The following CPPED1 variants were observed in gnomAD, a reference collection of about 807,000 sequenced individuals.
The protein encoded by CPPED1 is calcineurin like phosphoesterase domain containing 1.
CPPED1 carries 28 observed loss-of-function variants against 28.0 expected under a neutral mutation model. The observed-to-expected ratio is 1.00, with a 90% CI of 0.74 to 1.37. CPPED1 has a LOEUF of 1.37. CPPED1 is among the 40% of genes most tolerant of loss of function. The probability of loss-of-function intolerance (pLI) is 0.00; values close to 1 mark genes in which losing one functional copy is unlikely to be tolerated. For synonymous variants in CPPED1, 198 were observed against 180.2 expected (o/e 1.10, Z -0.79); for missense variants, 504 against 416.5 (o/e 1.21, Z -1.83).
intron 2 of CPPED1, among the ~76,000 whole-genome samples, chr16:12,775,605 A>T (rs1160873187): frequency 6.6e-6 from 1 of 152,182 alleles, no homozygotes; most frequent in African/African-American, 2.4e-5. Flanking sequence ...TTCATCTGGG[A>T]ATCTTGTTAA....
intron 1 of CPPED1, among the ~76,000 whole-genome samples, chr16:12,790,155 T>C (rs947213410): frequency 6.6e-6 from 1 of 152,222 alleles, no homozygotes; most frequent in Admixed American, 6.5e-5. Context: ...CATTAATCTT[T>C]CCTATGAGCC....
At chr16:12,711,661 G>C (rs1186221506) in intron 2 of CPPED1, among the ~76,000 whole-genome samples, 1 of 152,098 alleles carries the variant, frequency 6.6e-6, no homozygotes, top group Non-Finnish European at 1.5e-5. Context: ...TCTAATAGGA[G>C]CCCCCATGAT....
At chr16:12,738,174 G>C (rs536582982) in intron 2 of CPPED1, among the ~76,000 whole-genome samples, 1 of 152,250 alleles carries the variant, frequency 6.6e-6, no homozygotes, top group East Asian at 1.9e-4. Flanking sequence ...CTTAATGAAA[G>C]GACATTACGC....
chr16:12,708,128 C>T (rs1189480523), intron 2 of CPPED1, among the ~76,000 whole-genome samples: 1 of 152,016 alleles, frequency 6.6e-6, no homozygotes, highest in East Asian at 1.9e-4. Flanking sequence ...GCCTGGGCAA[C>T]AGAGTGAGAT....
intron 1 of CPPED1, among the ~76,000 whole-genome samples, chr16:12,803,179 T>C (rs1006224927): frequency 6.6e-6 from 1 of 152,252 alleles, no homozygotes; most frequent in African/African-American, 2.4e-5. Context: ...GACTCTCGAA[T>C]GCCCTCCCTC....
chr16:12,721,399 C>T (rs1244098126), intron 2 of CPPED1, among the ~76,000 whole-genome samples: 1 of 152,164 alleles, frequency 6.6e-6, no homozygotes, highest in Admixed American at 6.6e-5. Flanking sequence ...TGTTGACCTT[C>T]CCATTCAACC....
chr16:12,664,415 G>A lies in CPPED1; in HGVS notation c.*471C>T, dbSNP rs1190340531. On this transcript the variant is annotated 3_prime_UTR_variant, in exon 4 of 4. Coordinates refer to ENST00000381774, the MANE Select transcript of CPPED1 (RefSeq NM_018340.3). The surrounding 1 kb of genome is among the most constrained non-coding windows in gnomAD (Gnocchi z 4.2). The stretch of plus-strand genomic sequence containing the variant: ...AGACAGCTGTTCGTTCCGCTGGAAA[G>A]GAAAGGAGATGAACTTTGTTTTGCC... The A allele has an allele frequency of 2.0e-6, 2 of 1,010,456 alleles. No individual in the cohort carries two copies. The highest frequency in any genetic ancestry group is 2.4e-6 in the Non-Finnish European group (2 of 847,176). The allele number at this position is 1,010,456 out of a possible 1,614,324, so 62.6% of individuals were successfully genotyped here. A position where few individuals can be genotyped will look rare whatever the true frequency, so the allele number is the denominator to read the frequency against.
rs1424060514 is a variant in CPPED1, at chr16:12,803,851, T to A, written c.-75A>T. 2.2e-6 allele frequency: 3 copies of A among 1,384,642 alleles called. No individual in the cohort carries two copies. Among genetic ancestry groups the A allele is most frequent in the Non-Finnish European group, 2.9e-6 (3 of 1,019,698 alleles). 85.8% of individuals were successfully genotyped at this position (1,384,642 alleles called of 1,614,324 possible). A position where few individuals can be genotyped will look rare whatever the true frequency, so the allele number is the denominator to read the frequency against. ...GCGCGACTTCACACAGAACAACCGCTGGACCTGTCCCGCTTTGGGCGACGC... is the reference window on the plus strand; with the variant it reads ...GCGCGACTTCACACAGAACAACCGCAGGACCTGTCCCGCTTTGGGCGACGC... On this transcript the variant is annotated 5_prime_UTR_variant, in exon 1 of 4. Transcript: ENST00000381774.
chr16:12,796,526 T>C (rs1012598771), intron 1 of CPPED1, among the ~76,000 whole-genome samples: 2 of 151,982 alleles, frequency 1.3e-5, no homozygotes, highest in Admixed American at 6.6e-5. Context: ...CACAATGAGA[T>C]ACTACTTCAC....
intron 2 of CPPED1, among the ~76,000 whole-genome samples, chr16:12,717,043 A>G (rs928974188): frequency 3.3e-5 from 5 of 152,164 alleles, no homozygotes; most frequent in Admixed American, 1.3e-4. Flanking sequence ...CCTGCTGAAC[A>G]GGGGGAAAGA....
In CPPED1 at chr16:12,662,271, A is replaced by C. The variant is rs1391477969; in HGVS notation, c.*2615T>G. 1 of 152,226 alleles carries C rather than the reference A, an allele frequency of 6.6e-6. No homozygotes were observed. Among genetic ancestry groups the C allele is most frequent in the African/African-American group, 2.4e-5 (1 of 41,460 alleles). The allele number at this position is 152,226 out of a possible 1,614,324, so 9.4% of individuals were successfully genotyped here. On this transcript the variant is annotated 3_prime_UTR_variant, in exon 4 of 4. Transcript: ENST00000381774. Reference sequence around the variant, plus strand: ...TAGTCATGGCCCATCAGAATGATAGATGCTTATCTACAAAAACATTTCCTG... The same window carrying C: ...TAGTCATGGCCCATCAGAATGATAGCTGCTTATCTACAAAAACATTTCCTG...
intron 2 of CPPED1, among the ~76,000 whole-genome samples, chr16:12,706,001 A>C (rs1383858822): frequency 6.6e-6 from 1 of 152,164 alleles, no homozygotes; most frequent in Non-Finnish European, 1.5e-5. Context: ...TAATTCTGCC[A>C]AGGTTCACGT....
chr16:12,779,602 C>A (rs1296845158), intron 2 of CPPED1, among the ~76,000 whole-genome samples: 1 of 152,058 alleles, frequency 6.6e-6, no homozygotes, highest in Non-Finnish European at 1.5e-5. Context: ...GTTGGCCAGG[C>A]TGGTCTTGAA....
chr16:12,718,885 C>G (rs1298174240), intron 2 of CPPED1, among the ~76,000 whole-genome samples: 1 of 152,096 alleles, frequency 6.6e-6, no homozygotes, highest in African/African-American at 2.4e-5. Flanking sequence ...ATCATTTGAA[C>G]CCAGGAGGGG....
At chr16:12,801,308 G>A (rs1007689974) in intron 1 of CPPED1, among the ~76,000 whole-genome samples, 3 of 152,138 alleles carry the variant, frequency 2.0e-5, no homozygotes, top group African/African-American at 7.2e-5. Flanking sequence ...GACCATGCTG[G>A]TCTCGAACTC....
chr16:12,735,621 A>G (rs923668069), intron 2 of CPPED1, among the ~76,000 whole-genome samples: 1 of 152,206 alleles, frequency 6.6e-6, no homozygotes, highest in African/African-American at 2.4e-5. Context: ...GATAAATTAC[A>G]CTTAGTGTAA....
intron 2 of CPPED1, among the ~76,000 whole-genome samples, chr16:12,778,741 T>C (rs1439066212): frequency 1.3e-5 from 2 of 152,262 alleles, no homozygotes; most frequent in Non-Finnish European, 2.9e-5. Flanking sequence ...AAACCACTTA[T>C]TGCATATTAA....
chr16:12,701,867 G>A (rs181703467), intron 3 of CPPED1, among the ~76,000 whole-genome samples: 145 of 152,320 alleles, frequency 9.5e-4, no homozygotes, highest in African/African-American at 3.3e-3. Context: ...GAGCTCCTCC[G>A]GAGATGGAGC....
chr16:12,780,168 G>GT (rs2080521704), intron 2 of CPPED1, among the ~76,000 whole-genome samples: 1 of 151,920 alleles, frequency 6.6e-6, no homozygotes, highest in Non-Finnish European at 1.5e-5. Flanking sequence ...CTGGGACTTT[G>GT]TTTTTTGTTT....
Sources: gnomAD v4.1 joint callset for allele counts (sites outside exome capture counted in the v4.1 genomes callset) on GRCh38, gnomAD v4.1.1 for gene constraint, Gnocchi (gnomAD v3.1) non-coding constraint, MANE v1.5 for transcripts, NCBI Gene and HGNC (gene_info 2026-07-23, HGNC 2026-07-21) for gene names.